The following GRM3 variants were observed in gnomAD, a reference collection of about 807,000 sequenced individuals.
The protein encoded by GRM3 is glutamate metabotropic receptor 3.
A neutral mutation model predicts 70.5 loss-of-function variants in GRM3; 26 were observed. The observed-to-expected ratio is 0.37, with a 90% CI of 0.27 to 0.51. GRM3 has a LOEUF of 0.51. GRM3 is among the 20% of genes least tolerant of loss of function. The pLI is 0.93. For synonymous variants in GRM3, 443 were observed against 434.9 expected (o/e 1.02, Z -0.23); for missense variants, 859 against 1,123.8 (o/e 0.76, Z 3.37).
chr7:86,761,870 T>C (rs1407816979), intron 1 of GRM3, among the ~76,000 whole-genome samples: 1 of 152,166 alleles, frequency 6.6e-6, no homozygotes, highest in Non-Finnish European at 1.5e-5. Context: ...TCATTTGAAG[T>C]CTTTTTTGGC....
At chr7:86,858,402 T>C (rs1211072851) in intron 5 of GRM3, among the ~76,000 whole-genome samples, 2 of 152,122 alleles carry the variant, frequency 1.3e-5, no homozygotes, top group African/African-American at 4.8e-5. Context: ...GTGGTGTCTT[T>C]GGGAGGGAAT....
chr7:86,717,008 A>ATTT (rs1433460801), intron 1 of GRM3, among the ~76,000 whole-genome samples: 1 of 151,956 alleles, frequency 6.6e-6, no homozygotes, highest in African/African-American at 2.4e-5. Flanking sequence ...ACTTGAGCTA[A>ATTT]TTATTTGATA....
chr7:86,644,327 G>C lies in GRM3; in HGVS notation c.-686G>C, dbSNP rs1162271027. ...GAGGGTGGGGGAGGGAAAAGAACGAGAGAGGGAGGAAAGAATGAAAAGGAG... is the reference window on the plus strand; with the variant it reads ...GAGGGTGGGGGAGGGAAAAGAACGACAGAGGGAGGAAAGAATGAAAAGGAG... On this transcript the variant is annotated 5_prime_UTR_variant, in exon 1 of 6. Coordinates refer to ENST00000361669, the MANE Select transcript of GRM3 (RefSeq NM_000840.3). 7 of 273,762 alleles carry C rather than the reference G, an allele frequency of 2.6e-5. No homozygotes were observed. The highest frequency in any genetic ancestry group is 5.0e-5 in the Non-Finnish European group (7 of 140,694). 17.0% of individuals were successfully genotyped at this position (273,762 alleles called of 1,614,324 possible). A position where few individuals can be genotyped will look rare whatever the true frequency, so the allele number is the denominator to read the frequency against.
At chr7:86,761,507 A>G (rs950818983) in intron 1 of GRM3, among the ~76,000 whole-genome samples, 1 of 152,148 alleles carries the variant, frequency 6.6e-6, no homozygotes, top group African/African-American at 2.4e-5. Flanking sequence ...GTAATGAAGC[A>G]AAAATAATGT....
chr7:86,853,188 A>G, intron 5 of GRM3, among the ~76,000 whole-genome samples: 1 of 152,196 alleles, frequency 6.6e-6, no homozygotes, highest in East Asian at 1.9e-4. Context: ...AAAGAAAAAA[A>G]CAGAAAATCT....
chr7:86,864,172 T>A, intron 5 of GRM3, 110 bp from the exon 6 acceptor site: 1 of 708,944 alleles, frequency 1.4e-6, no homozygotes, highest in South Asian at 1.6e-5. Context: ...ATCCCTCACC[T>A]CCTTCCCACC....
At chr7:86,719,064 A>T (rs1415325181) in intron 1 of GRM3, among the ~76,000 whole-genome samples, 1 of 151,968 alleles carries the variant, frequency 6.6e-6, no homozygotes, top group Admixed American at 6.6e-5. Flanking sequence ...GGACTGACCA[A>T]GGAAAACATT....
chr7:86,839,182 T>C lies in GRM3; in HGVS notation c.1668T>C (p.Thr556=). ...CMDCGSGQWP[T]ADLTGCYDLP... ...ATTGTGGGTCTGGACAGTGGCCCAC[T>C]GCAGACCTAACTGGATGCTATGACC... Residue 556 remains threonine, a synonymous_variant, in exon 4 of 6, where the codon ACT becomes ACC. Transcript: ENST00000361669. This position sits in a 1 kb window ranked among gnomAD's most constrained non-coding sequence, Gnocchi z 4.5. The C allele has an allele frequency of 6.2e-7, 1 of 1,613,662 alleles. No individual in the cohort carries two copies. Among genetic ancestry groups the C allele is most frequent in the Non-Finnish European group, 8.5e-7 (1 of 1,179,534 alleles).
At chr7:86,737,872 G>A (rs1795900998) in intron 1 of GRM3, among the ~76,000 whole-genome samples, 1 of 152,168 alleles carries the variant, frequency 6.6e-6, no homozygotes. Flanking sequence ...CTATAAGCTG[G>A]CAGACAAGAA....
chr7:86,663,924 G>A (rs1171755277), intron 1 of GRM3, among the ~76,000 whole-genome samples: 1 of 151,996 alleles, frequency 6.6e-6, no homozygotes, highest in African/African-American at 2.4e-5. Flanking sequence ...GATGAGTAGA[G>A]TTAACTAAGT....
At chr7:86,855,728 A>G (rs904073571) in intron 5 of GRM3, among the ~76,000 whole-genome samples, 2 of 152,216 alleles carry the variant, frequency 1.3e-5, no homozygotes, top group Non-Finnish European at 1.5e-5. Flanking sequence ...CAACCATAGA[A>G]AGCAAGCACA....
chr7:86,767,772 C>A (rs1300484220), intron 2 of GRM3, among the ~76,000 whole-genome samples: 1 of 151,712 alleles, frequency 6.6e-6, no homozygotes, highest in Non-Finnish European at 1.5e-5. Flanking sequence ...CCCACTTATC[C>A]AAAGTAATTG....
chr7:86,676,002 A>C (rs1259943699), intron 1 of GRM3, among the ~76,000 whole-genome samples: 1 of 152,032 alleles, frequency 6.6e-6, no homozygotes. Context: ...ACAATAAATA[A>C]GGAAATAAAT....
intron 1 of GRM3, among the ~76,000 whole-genome samples, chr7:86,696,340 G>A (rs988233699): frequency 6.6e-6 from 1 of 150,914 alleles, no homozygotes; most frequent in African/African-American, 2.4e-5. Flanking sequence ...GTCAGAGGTA[G>A]GAGAAAACAA....
chr7:86,859,906 C>T (rs981583860), intron 5 of GRM3, among the ~76,000 whole-genome samples: 5 of 152,154 alleles, frequency 3.3e-5, no homozygotes, highest in South Asian at 2.1e-4. Flanking sequence ...TGATCTTCAA[C>T]GTTTCACCAG....
chr7:86,655,857 G>T (rs11773395), intron 1 of GRM3, among the ~76,000 whole-genome samples: 1,185 of 115,834 alleles, frequency 0.01, 12 homozygotes, highest in Admixed American at 0.022. Flanking sequence ...TGTGTGGGTG[G>T]GTGGGTGTGT....
intron 1 of GRM3, among the ~76,000 whole-genome samples, chr7:86,670,256 G>A (rs1487405837): frequency 6.6e-6 from 1 of 152,146 alleles, no homozygotes; most frequent in Non-Finnish European, 1.5e-5. Context: ...ATTCACAAAA[G>A]AGTTCATAAC....
At chr7:86,712,913 A>G (rs985767163) in intron 1 of GRM3, among the ~76,000 whole-genome samples, 2 of 152,070 alleles carry the variant, frequency 1.3e-5, no homozygotes, top group African/African-American at 4.8e-5. Flanking sequence ...TATTTTGGCT[A>G]TTGTGAATAG....
chr7:86,756,612 A>C (rs968995763), intron 1 of GRM3, among the ~76,000 whole-genome samples: 1 of 152,096 alleles, frequency 6.6e-6, no homozygotes, highest in Admixed American at 6.6e-5. Flanking sequence ...GTGCTGCTTT[A>C]TTCTGATTGT....
Sources: gnomAD v4.1 joint callset for allele counts (sites outside exome capture counted in the v4.1 genomes callset) on GRCh38, gnomAD v4.1.1 for gene constraint, Gnocchi (gnomAD v3.1) non-coding constraint, MANE v1.5 for transcripts, NCBI Gene and HGNC (gene_info 2026-07-23, HGNC 2026-07-21) for gene names.